BANK1: variants seen among roughly 807,000 people sequenced by gnomAD.
BANK1 encodes B cell scaffold protein with ankyrin repeats 1.
In BANK1, 95 loss-of-function variants were observed where a neutral mutation model predicts 94.5. The ratio of observed to expected loss-of-function variants is 1.00; its 90% CI spans 0.85 to 1.19. The LOEUF (loss-of-function observed/expected upper bound fraction) is 1.19, where lower values mean the gene tolerates loss of function less well. Among genes scored for constraint, BANK1 ranks in the 50% most tolerant of loss-of-function variants. The probability of loss-of-function intolerance (pLI) is 0.00; values close to 1 mark genes in which losing one functional copy is unlikely to be tolerated. For synonymous variants in BANK1, 334 were observed against 308.4 expected (o/e 1.08, Z -0.87); for missense variants, 987 against 932.2 (o/e 1.06, Z -0.77).
At chr4:101,804,799 G>A (rs192296937) in intron 1 of BANK1, among the ~76,000 whole-genome samples, 112 of 152,224 alleles carry the variant, frequency 7.4e-4, no homozygotes, top group African/African-American at 2.5e-3. Context: ...TTGATAAATC[G>A]TTTATGTTAT....
chr4:101,899,460 T>G (rs1340395568), intron 6 of BANK1, among the ~76,000 whole-genome samples: 1 of 152,208 alleles, frequency 6.6e-6, no homozygotes, highest in East Asian at 1.9e-4. Flanking sequence ...ATTCTCAAGC[T>G]AATTTTATGA....
chr4:101,856,266 C>T (rs1478423070), intron 3 of BANK1, among the ~76,000 whole-genome samples: 2 of 152,010 alleles, frequency 1.3e-5, no homozygotes, highest in Non-Finnish European at 2.9e-5. Context: ...GCTGTCAGTT[C>T]CAGAGGAACA....
At position 101,978,546 on chromosome 4, in the gene BANK1, C is replaced by T. The variant is rs769245700; in HGVS notation, c.1207-42968C>T. On this transcript the variant is annotated intron_variant, in intron 7 of 16. Transcript: ENST00000322953. ...ATTTAATTACCAGGCATTCTTAATA[C>T]GTACATTTAGCTCTTGATCAAATAG... Among the ~76,000 whole-genome samples, 7 of 152,024 alleles carry T rather than the reference C, an allele frequency of 4.6e-5. 1 individual carries two copies. The highest frequency in any genetic ancestry group is 4.1e-4 in the South Asian group (2 of 4,824).
chr4:101,964,903 G>T (rs2851324), intron 7 of BANK1, among the ~76,000 whole-genome samples: 116,705 of 131,738 alleles, frequency 0.89, 52,248 homozygotes, highest in Middle Eastern at 0.95. Context: ...CTCCCAATGC[G>T]ATCCCTCCCC....
intron 13 of BANK1, among the ~76,000 whole-genome samples, chr4:102,067,233 T>C (rs967180320): frequency 3.3e-5 from 5 of 151,654 alleles, no homozygotes; most frequent in African/African-American, 1.2e-4. Flanking sequence ...AGCAGGAAAG[T>C]AGAAAAAGAG....
intron 6 of BANK1, among the ~76,000 whole-genome samples, chr4:101,906,056 G>A (rs541419630): frequency 6.6e-6 from 1 of 152,152 alleles, no homozygotes; most frequent in African/African-American, 2.4e-5. Flanking sequence ...CCAAAAGTTG[G>A]TCTGCAGTTA....
chr4:101,974,210 G>A (rs1725050735), intron 7 of BANK1, among the ~76,000 whole-genome samples: 1 of 152,060 alleles, frequency 6.6e-6, no homozygotes, highest in African/African-American at 2.4e-5. Context: ...ACTGAGTGGA[G>A]ACAATTGAAC....
chr4:101,844,944 G>A (rs2148869501), intron 2 of BANK1, among the ~76,000 whole-genome samples: 1 of 152,190 alleles, frequency 6.6e-6, no homozygotes, highest in East Asian at 1.9e-4. Flanking sequence ...TAAATGGGGT[G>A]ATAAACAAAA....
At chr4:101,847,736 T>TAC (rs35196238) in intron 2 of BANK1, among the ~76,000 whole-genome samples, 16,941 of 145,748 alleles carry the variant, frequency 0.12, 1,051 homozygotes, top group Admixed American at 0.21. Flanking sequence ...TATTCCATCA[T>TAC]ACACACACAC....
At chr4:101,914,546 A>G (rs1722768862) in intron 6 of BANK1, among the ~76,000 whole-genome samples, 1 of 152,142 alleles carries the variant, frequency 6.6e-6, no homozygotes, top group African/African-American at 2.4e-5. Flanking sequence ...TATGTTCTAT[A>G]AAGTAATCGA....
At chr4:101,921,439 C>A (rs1014971190) in intron 7 of BANK1, among the ~76,000 whole-genome samples, 12 of 151,824 alleles carry the variant, frequency 7.9e-5, no homozygotes. Context: ...TTAAATAAAA[C>A]GTGCATGAAA....
intron 6 of BANK1, among the ~76,000 whole-genome samples, chr4:101,910,519 T>G (rs988586874): frequency 2.6e-5 from 4 of 151,814 alleles, no homozygotes; most frequent in Non-Finnish European, 4.4e-5. Context: ...CCATCTCTAC[T>G]AAATTTTCTA....
At chr4:101,904,731 G>A (rs1457785482) in intron 6 of BANK1, among the ~76,000 whole-genome samples, 1 of 152,174 alleles carries the variant, frequency 6.6e-6, no homozygotes, top group African/African-American at 2.4e-5. Flanking sequence ...TATAGGTACA[G>A]AAGTTATAAT....
intron 7 of BANK1, among the ~76,000 whole-genome samples, chr4:102,002,552 C>CACAT (rs1449933785): frequency 2.2e-4 from 26 of 119,422 alleles, no homozygotes; most frequent in African/African-American, 8.4e-4. Context: ...AATACACACA[C>CACAT]ACACACACAC....
At chr4:101,913,482 A>G (rs1348479066) in intron 6 of BANK1, among the ~76,000 whole-genome samples, 8 of 152,246 alleles carry the variant, frequency 5.3e-5, no homozygotes, top group Non-Finnish European at 7.4e-5. Flanking sequence ...GCTTCCTAGA[A>G]TTACCTCCAC....
chr4:101,806,594 T>C (rs1725562991), intron 1 of BANK1, among the ~76,000 whole-genome samples: 1 of 152,216 alleles, frequency 6.6e-6, no homozygotes, highest in South Asian at 2.1e-4. Flanking sequence ...ATTATGTATA[T>C]TGATACTCAC....
At chr4:101,963,684 A>G (rs79579501) in intron 7 of BANK1, among the ~76,000 whole-genome samples, 3,961 of 152,158 alleles carry the variant, frequency 0.026, 178 homozygotes, top group African/African-American at 0.092. Flanking sequence ...TTTTAGTTTG[A>G]GATACAATGC....
At chr4:101,942,563 C>T (rs1723790018) in intron 7 of BANK1, among the ~76,000 whole-genome samples, 1 of 151,864 alleles carries the variant, frequency 6.6e-6, no homozygotes, top group Non-Finnish European at 1.5e-5. Flanking sequence ...AATTGTGTTA[C>T]ATTTTAAAGT....
At chr4:101,798,831 G>A (rs1725251228) in intron 1 of BANK1, among the ~76,000 whole-genome samples, 1 of 152,142 alleles carries the variant, frequency 6.6e-6, no homozygotes, top group Middle Eastern at 3.2e-3. Flanking sequence ...TTGTAAATTT[G>A]TGTAAGTTCT....
Sources: gnomAD v4.1 joint callset for allele counts (sites outside exome capture counted in the v4.1 genomes callset) on GRCh38, gnomAD v4.1.1 for gene constraint, MANE v1.5 for transcripts, NCBI Gene and HGNC (gene_info 2026-07-23, HGNC 2026-07-21) for gene names.